Variants in MOBP observed in about 807,000 individuals in gnomAD.
The protein encoded by MOBP is myelin-associated oligodendrocyte basic protein.
In MOBP, 5 loss-of-function variants were observed where a neutral mutation model predicts 15.0. The ratio of observed to expected loss-of-function variants is 0.33; its 90% CI spans 0.17 to 0.70. The LOEUF (loss-of-function observed/expected upper bound fraction) is 0.70, where lower values mean the gene tolerates loss of function less well. Among genes scored for constraint, MOBP ranks in the 30% least tolerant of loss-of-function variants. MOBP has a pLI of 0.67. For synonymous variants in MOBP, 88 were observed against 99.0 expected, an observed-to-expected ratio of 0.89 and a Z score of 0.66; for missense variants, 188 against 257.8, an observed-to-expected ratio of 0.73 and a Z score of 1.85.
At chr3:39,471,821 G>C (rs2042474245) in intron 1 of MOBP, among the ~76,000 whole-genome samples, 1 of 152,168 alleles carries the variant, frequency 6.6e-6, no homozygotes, top group African/African-American at 2.4e-5. Flanking sequence ...CTGAGATATA[G>C]ACACCACAGC....
chr3:39,520,596 CAG>C (rs527921592), downstream of MOBP, among the ~76,000 whole-genome samples: 8 of 134,764 alleles, frequency 5.9e-5, no homozygotes, highest in Non-Finnish European at 1.3e-4. Flanking sequence ...GAGAGAGAGA[CAG>C]AGAGAGAGAG....
intron 1 of MOBP, among the ~76,000 whole-genome samples, chr3:39,478,404 A>T (rs976395044): frequency 9.9e-5 from 15 of 152,220 alleles, no homozygotes; most frequent in Admixed American, 9.8e-4. Context: ...TAAAGCATCT[A>T]TGATGTTTGT....
chr3:39,469,110 A>G (rs13067113), intron 1 of MOBP, among the ~76,000 whole-genome samples: 484 of 48,088 alleles, frequency 0.01, 47 homozygotes, highest in Middle Eastern at 0.042. Context: ...ATGTGTGTGT[A>G]TATATACATA....
intron 4 of MOBP, among the ~76,000 whole-genome samples, chr3:39,513,035 G>A (rs920467668): frequency 1.3e-5 from 2 of 152,062 alleles, no homozygotes; most frequent in Non-Finnish European, 2.9e-5. Context: ...ACATCTTTAC[G>A]TCTATAAGTA....
downstream of MOBP, among the ~76,000 whole-genome samples, chr3:39,503,287 A>G (rs553581216): frequency 6.6e-6 from 1 of 152,262 alleles, no homozygotes; most frequent in East Asian, 1.9e-4. Flanking sequence ...AACACACTTC[A>G]TCTGATGTCA....
chr3:39,501,252 A>C (rs2042965824), intron 2 of MOBP, among the ~76,000 whole-genome samples: 2 of 152,182 alleles, frequency 1.3e-5, no homozygotes, highest in Non-Finnish European at 2.9e-5. Context: ...CCTGACCCTG[A>C]GTTTGTTGAG....
At chr3:39,516,289 G>A (rs772937771), downstream of MOBP, among the ~76,000 whole-genome samples, 8 of 152,156 alleles carry the variant, frequency 5.3e-5, no homozygotes, top group Non-Finnish European at 1.0e-4. Context: ...CGGGGAGGGC[G>A]GTGGCACAGT....
chr3:39,514,811 T>A (rs2043175460), exon 5 of MOBP: 1 of 152,232 alleles, frequency 6.6e-6, no homozygotes. Context: ...TAGTATAGGC[T>A]ATTGGTCAGG....
chr3:39,489,691 G>GCTCCTGT (rs2042767109), intron 2 of MOBP, among the ~76,000 whole-genome samples: 2 of 148,982 alleles, frequency 1.3e-5, no homozygotes, highest in African/African-American at 2.5e-5. Context: ...ATTGTTCCCC[G>GCTCCTGT]CCCAGCTCCT....
intron 1 of MOBP, among the ~76,000 whole-genome samples, chr3:39,479,403 T>C (rs1375661954): frequency 2.0e-5 from 3 of 151,906 alleles, no homozygotes; most frequent in East Asian, 3.9e-4. Flanking sequence ...CTTTTTTTTT[T>C]TTTTTCAAAT....
intron 2 of MOBP, among the ~76,000 whole-genome samples, chr3:39,498,205 G>A (rs1459985851): frequency 2.0e-5 from 3 of 152,188 alleles, no homozygotes; most frequent in Non-Finnish European, 2.9e-5. Flanking sequence ...GAGGCTTAGC[G>A]TTTTTAAATT....
exon 5 of MOBP, chr3:39,513,383 A>G: frequency 6.2e-7 from 1 of 1,614,050 alleles, no homozygotes; most frequent in Non-Finnish European, 8.5e-7. Context: ...TGTAAACCAG[A>G]TTGAAAAGGA....
chr3:39,478,970 C>T (rs2042584141), intron 1 of MOBP, among the ~76,000 whole-genome samples: 1 of 152,036 alleles, frequency 6.6e-6, no homozygotes, highest in Non-Finnish European at 1.5e-5. Flanking sequence ...GCTGGGATTA[C>T]AGGCGCCTGC....
At chr3:39,473,011 G>C (rs1349225646) in intron 1 of MOBP, among the ~76,000 whole-genome samples, 2 of 152,156 alleles carry the variant, frequency 1.3e-5, no homozygotes, top group African/African-American at 4.8e-5. Flanking sequence ...TGTGGATAGG[G>C]GTTAAGCTGC....
downstream of MOBP, among the ~76,000 whole-genome samples, chr3:39,504,278 G>T (rs1204208306): frequency 6.6e-6 from 1 of 152,210 alleles, no homozygotes; most frequent in Admixed American, 6.5e-5. Flanking sequence ...TTGATATATG[G>T]AAGTAGTTAG....
At chr3:39,476,043 C>T (rs931802682) in intron 1 of MOBP, among the ~76,000 whole-genome samples, 1 of 152,198 alleles carries the variant, frequency 6.6e-6, no homozygotes, top group Non-Finnish European at 1.5e-5. Flanking sequence ...ATAGCAGCTT[C>T]TGTTTCTGGA....
intron 3 of MOBP, among the ~76,000 whole-genome samples, chr3:39,524,056 A>G (rs145796371): frequency 6.6e-6 from 1 of 152,348 alleles, no homozygotes; most frequent in East Asian, 1.9e-4. Context: ...AATATCATAA[A>G]GAGAGGGAGG....
chr3:39,503,043 C>T (rs2042998757), downstream of MOBP: 1 of 545,962 alleles, frequency 1.8e-6, no homozygotes, highest in East Asian at 3.1e-5. Context: ...AGTGTGGCTT[C>T]TGGTTTCCTC....
In MOBP at chr3:39,497,541, G is replaced by A. The variant is rs1204445265; in HGVS notation, c.-4-4525G>A. Among the ~76,000 whole-genome samples the A allele has an allele frequency of 2.6e-5, 4 of 152,194 alleles. No individual in the cohort carries two copies. In the East Asian group the frequency reaches 7.7e-4, roughly 29 times the overall value. ...TGGACCTGTCTAAAGTGCTTGGGAT[G>A]CTGGAGTCACACAGATGTGGATTCA... On this transcript the variant is annotated intron_variant, in intron 2 of 3. Coordinates refer to ENST00000684792, the MANE Select transcript of MOBP (RefSeq NM_001393704.1).
Sources: allele counts gnomAD v4.1 joint callset (sites outside exome capture counted in the v4.1 genomes callset), GRCh38; gene constraint gnomAD v4.1.1; transcripts MANE v1.5; gene names NCBI Gene and HGNC (gene_info 2026-07-23, HGNC 2026-07-21).